Variants in PDE6C observed in about 807,000 individuals in gnomAD.
PDE6C encodes the protein cone cGMP-specific 3',5'-cyclic phosphodiesterase subunit alpha'.
Under a neutral mutation model 113.1 loss-of-function variants are expected in PDE6C, and 75 were observed. The observed-to-expected ratio is 0.66, with a 90% CI of 0.55 to 0.80. The LOEUF is 0.80. Ranked by LOEUF, PDE6C falls within the 30% of genes least tolerant of loss-of-function variation. The pLI is 0.00. For missense variants in PDE6C, 912 were observed against 1,038.6 expected (o/e 0.88, Z 1.67); for synonymous variants, 375 against 363.7 (o/e 1.03, Z -0.35).
At chr10:93,618,081 C>A (rs932483058) in intron 1 of PDE6C, among the ~76,000 whole-genome samples, 2 of 152,010 alleles carry the variant, frequency 1.3e-5, no homozygotes, top group Non-Finnish European at 2.9e-5. Flanking sequence ...AGTGTGCTGG[C>A]CTTCTGGAGG....
chr10:93,665,323 T>C, intron 21 of PDE6C, 37 bp from the exon 22 acceptor site: 1 of 1,483,362 alleles, frequency 6.7e-7, no homozygotes, highest in Non-Finnish European at 9.4e-7. Context: ...GTATATCCAC[T>C]AACTCCTAAT....
At chr10:93,621,409 T>G (rs1275650032) in intron 3 of PDE6C, among the ~76,000 whole-genome samples, 1 of 152,226 alleles carries the variant, frequency 6.6e-6, no homozygotes, top group Non-Finnish European at 1.5e-5. Flanking sequence ...TAAAGGGCAC[T>G]ATTAGTACCT....
Position 93,636,047 on chromosome 10 carries a change from T to C in PDE6C, c.1413+407T>C, listed in dbSNP as rs988985732. The stretch of plus-strand genomic sequence containing the variant: ...TGACCAGGCTTTGATTGACAGTGGC[T>C]GGACTTGGCTCCAAGCTATGAATTT... On this transcript the variant is annotated intron_variant, in intron 10 of 21. Coordinates refer to ENST00000371447, the MANE Select transcript of PDE6C (RefSeq NM_006204.4). Among the ~76,000 whole-genome samples the C allele has an allele frequency of 5.3e-5, 8 of 152,338 alleles. 1 individual carries two copies. Among genetic ancestry groups the C allele is most frequent in the Admixed American group, 5.2e-4 (8 of 15,300 alleles).
In PDE6C at chr10:93,634,919, A is replaced by G. The variant is rs762424340; in HGVS notation, c.1269+12A>G. On this transcript the variant is annotated intron_variant, in intron 9 of 21. Transcript: ENST00000371447. ...AATACATTACCGAGGCAAGTGCAATAATAAGATAATGGAAGTCAATGCAAT... is the reference window on the plus strand; with the variant it reads ...AATACATTACCGAGGCAAGTGCAATGATAAGATAATGGAAGTCAATGCAAT... 2 of 1,613,634 alleles carry G rather than the reference A, an allele frequency of 1.2e-6. No homozygotes were observed. Among genetic ancestry groups the G allele is most frequent in the Non-Finnish European group, 8.5e-7 (1 of 1,179,618 alleles).
At chr10:93,650,366 C>T (rs2058604144) in intron 15 of PDE6C, among the ~76,000 whole-genome samples, 1 of 152,148 alleles carries the variant, frequency 6.6e-6, no homozygotes, top group Non-Finnish European at 1.5e-5. Context: ...CCTACCTCTG[C>T]CTCCCAAGTA....
At chr10:93,636,925 A>T (rs1441865200) in intron 10 of PDE6C, 70 bp from the exon 11 acceptor site, 1 of 837,822 alleles carries the variant, frequency 1.2e-6, no homozygotes, top group Non-Finnish European at 2.1e-6. Flanking sequence ...CTAAGATTGT[A>T]ATAGTAGAGG....
rs1039737805 is a variant in PDE6C at position 93,628,383 on chromosome 10, G to A, written c.1072-875G>A. 2.0e-5 allele frequency among the ~76,000 whole-genome samples: 3 copies of A among 152,072 alleles called. No homozygotes were observed. In the South Asian group the frequency reaches 6.2e-4, roughly 31 times the overall value. The stretch of plus-strand genomic sequence containing the variant: ...GTGGATTGCCTGAGGTCAAGAGTTC[G>A]AGACCAGCCTGGCCAACATGGTGAA... On this transcript the variant is annotated intron_variant, in intron 7 of 21. Coordinates refer to ENST00000371447, the MANE Select transcript of PDE6C (RefSeq NM_006204.4).
At chr10:93,642,720 G>T (rs1486089170) in intron 14 of PDE6C, among the ~76,000 whole-genome samples, 1 of 152,194 alleles carries the variant, frequency 6.6e-6, no homozygotes, top group East Asian at 1.9e-4. Flanking sequence ...ATTGTTGTGA[G>T]AATCCAGTGA....
intron 15 of PDE6C, among the ~76,000 whole-genome samples, chr10:93,649,098 G>A (rs1477783324): frequency 6.6e-6 from 1 of 152,132 alleles, no homozygotes; most frequent in South Asian, 2.1e-4. Flanking sequence ...CTACCTGTTT[G>A]GGGTGTGCTA....
chr10:93,656,549 A>T (rs2058638555), intron 16 of PDE6C, among the ~76,000 whole-genome samples: 1 of 151,544 alleles, frequency 6.6e-6, no homozygotes, highest in Non-Finnish European at 1.5e-5. Flanking sequence ...CCTTCACTAA[A>T]TATTTATTTA....
chr10:93,636,780 T>C (rs976480152), intron 10 of PDE6C, among the ~76,000 whole-genome samples: 11 of 152,308 alleles, frequency 7.2e-5, no homozygotes, highest in African/African-American at 2.6e-4. Context: ...TATTTACTTA[T>C]TTTTAGAGAT....
At chr10:93,630,363 G>A (rs1210357140) in intron 8 of PDE6C, among the ~76,000 whole-genome samples, 1 of 126,514 alleles carries the variant, frequency 7.9e-6, no homozygotes, top group East Asian at 2.2e-4. Context: ...AGAAGGGCCA[G>A]CCTGTCATCT....
intron 11 of PDE6C, among the ~76,000 whole-genome samples, chr10:93,637,634 G>C (rs1041898499): frequency 1.3e-5 from 2 of 152,140 alleles, no homozygotes; most frequent in African/African-American, 4.8e-5. Context: ...TTCAGTTCTA[G>C]AAGGTACATT....
chr10:93,654,782 C>T lies in PDE6C; in HGVS notation c.1936-978C>T, dbSNP rs11187576. On this transcript the variant is annotated intron_variant, in intron 15 of 21. Transcript: ENST00000371447. ...TCTTTCTTTCTTTCTTTCTTTCTTT[C>T]TTTCTTTCTTTCTTTCTTTCTTTCT... is the stretch of plus-strand genomic sequence containing the variant. Among the ~76,000 whole-genome samples the T allele has an allele frequency of 9.8e-3, 636 of 64,794 alleles. 6 individuals are homozygous for T. The highest frequency in any genetic ancestry group is 0.026 in the East Asian group (35 of 1,358). 42.5% of individuals were successfully genotyped at this position (64,794 alleles called of 152,430 possible). A position where few individuals can be genotyped will look rare whatever the true frequency, so the allele number is the denominator to read the frequency against.
intron 15 of PDE6C, among the ~76,000 whole-genome samples, chr10:93,647,837 T>C (rs1261319491): frequency 6.6e-6 from 1 of 152,210 alleles, no homozygotes. Flanking sequence ...ACACCTGTTC[T>C]ATGAGAATTA....
chr10:93,636,441 T>C (rs889697908), intron 10 of PDE6C, among the ~76,000 whole-genome samples: 2 of 151,006 alleles, frequency 1.3e-5, no homozygotes, highest in Admixed American at 6.6e-5. Flanking sequence ...TTGGTGAGCA[T>C]GTTGGTTTTT....
Position 93,663,146 on chromosome 10 carries a change from A to C in PDE6C, c.2486A>C (p.Glu829Ala), listed in dbSNP as rs746955848. 19 of 1,613,626 alleles carry C rather than the reference A, an allele frequency of 1.2e-5. No homozygotes were observed. Among genetic ancestry groups the C allele is most frequent in the Middle Eastern group, 1.6e-4 (1 of 6,074 alleles). ...GCAAAGATGAAGGTCATTGAAGAGG[A>C]GGCAAAAAAGCAAGAAGGAGGAGCC... ...YDAKMKVIEE[E>A]AKKQEGGAEK... Residue 829 changes from glutamate to alanine, a missense_variant, in exon 21 of 22, where the codon GAG becomes GCG. Glu to Ala is a moderately radical substitution (Grantham distance 107). Coordinates refer to ENST00000371447, the MANE Select transcript of PDE6C (RefSeq NM_006204.4).
At chr10:93,632,899 T>C (rs1055159501) in intron 8 of PDE6C, among the ~76,000 whole-genome samples, 1 of 152,206 alleles carries the variant, frequency 6.6e-6, no homozygotes, top group African/African-American at 2.4e-5. Flanking sequence ...TCAGTCTAAA[T>C]GTTAAATTGT....
intron 15 of PDE6C, among the ~76,000 whole-genome samples, chr10:93,652,821 G>A (rs2133873348): frequency 6.6e-6 from 1 of 152,276 alleles, no homozygotes; most frequent in East Asian, 1.9e-4. Flanking sequence ...TTGATTTGTT[G>A]TAGATTATAT....
Sources: allele counts gnomAD v4.1 joint callset (sites outside exome capture counted in the v4.1 genomes callset), GRCh38; gene constraint gnomAD v4.1.1; transcripts MANE v1.5; gene names NCBI Gene and HGNC (gene_info 2026-07-23, HGNC 2026-07-21).